Variants in SCEL observed in about 807,000 individuals in gnomAD.
SCEL encodes sciellin.
SCEL carries 113 observed loss-of-function variants against 117.6 expected under a neutral mutation model. That is an observed-to-expected ratio of 0.96 (90% CI 0.83 to 1.12). The LOEUF is 1.12. SCEL is among the 50% of genes most tolerant of loss of function. The pLI is 0.00. For synonymous variants in SCEL, 270 were observed against 256.2 expected (o/e 1.05, Z -0.51); for missense variants, 785 against 810.8 (o/e 0.97, Z 0.39).
intron 24 of SCEL, among the ~76,000 whole-genome samples, chr13:77,616,350 A>G (rs2089038610): frequency 6.6e-6 from 1 of 151,996 alleles, no homozygotes; most frequent in African/African-American, 2.4e-5. Flanking sequence ...TGTATTTTAT[A>G]ATAATATGTG....
chr13:77,637,383 CAT>C (rs2090349114), intron 30 of SCEL, among the ~76,000 whole-genome samples, 189 bp downstream of exon 30: 1 of 130,982 alleles, frequency 7.6e-6, no homozygotes, highest in African/African-American at 2.8e-5. Flanking sequence ...AACATATATA[CAT>C]ATATAAATAT....
chr13:77,590,990 A>G (rs984910899), intron 10 of SCEL, among the ~76,000 whole-genome samples: 1 of 152,128 alleles, frequency 6.6e-6, no homozygotes, highest in African/African-American at 2.4e-5. Context: ...TTATGAACAA[A>G]TATATTTCTT....
At position 77,596,688 on chromosome 13, in the gene SCEL, GGTGTGTGT is replaced by G. The variant is rs71102762; in HGVS notation, c.753-829_753-822del. On this transcript the variant is annotated intron_variant, in intron 12 of 32. Transcript: ENST00000349847. ...GAGGAAGGCAAGAGAGGTGGGGCAA[GGTGTGTGT>G]GTGTGTGTGTGTGTGTGTGTGTGTG... Among the ~76,000 whole-genome samples the G allele has an allele frequency of 5.2e-3, 759 of 145,464 alleles. 3 individuals carry two copies. The highest frequency in any genetic ancestry group is 0.012 in the African/African-American group (482 of 39,772).
chr13:77,578,480 G>A (rs541594332), intron 9 of SCEL, among the ~76,000 whole-genome samples: 60 of 152,244 alleles, frequency 3.9e-4, no homozygotes, highest in Middle Eastern at 3.4e-3. Context: ...GGCCCCAAAC[G>A]TTGGAGAATA....
At chr13:77,570,523 AC>A (rs2085534313) in intron 8 of SCEL, among the ~76,000 whole-genome samples, 1 of 152,194 alleles carries the variant, frequency 6.6e-6, no homozygotes, top group Non-Finnish European at 1.5e-5. Flanking sequence ...TCTATTCCTT[AC>A]ATTGAGCTGG....
chr13:77,639,836 C>T (rs1047034638), intron 30 of SCEL, among the ~76,000 whole-genome samples: 1 of 151,952 alleles, frequency 6.6e-6, no homozygotes, highest in African/African-American at 2.4e-5. Flanking sequence ...GTCAGGCCTG[C>T]ATGCTAATAT....
At position 77,618,053 on chromosome 13, in the gene SCEL, A is replaced by T. The variant is rs781188952; in HGVS notation, c.1621A>T (p.Thr541Ser). Reference protein sequence around the residue: ...IKVKPSALRNTNRDQNLENLI... With the variant: ...IKVKPSALRNSNRDQNLENLI... Reference sequence around the variant, plus strand: ...AGTGAAACCTTCAGCTCTTAGAAACACTAATCGGTAAATGACCTTGACTAT... The same window carrying T: ...AGTGAAACCTTCAGCTCTTAGAAACTCTAATCGGTAAATGACCTTGACTAT... The change falls in exon 27 of 33, where the codon ACT becomes TCT. Residue 541 changes from threonine to serine, a missense_variant. Thr to Ser is a moderately conservative substitution (Grantham distance 58). Transcript: ENST00000349847. 2.2e-5 allele frequency: 35 copies of T among 1,611,694 alleles called. No individual in the cohort carries two copies. Among genetic ancestry groups the T allele is most frequent in the Non-Finnish European group, 2.8e-5 (33 of 1,177,998 alleles).
At chr13:77,591,087 T>C (rs2086840448) in intron 10 of SCEL, among the ~76,000 whole-genome samples, 1 of 152,154 alleles carries the variant, frequency 6.6e-6, no homozygotes, top group African/African-American at 2.4e-5. Context: ...GTTATATCAT[T>C]ATCTGATAGA....
intron 12 of SCEL, among the ~76,000 whole-genome samples, chr13:77,594,128 TTAGAG>T (rs1479699311): frequency 2.6e-5 from 4 of 152,210 alleles, no homozygotes; most frequent in African/African-American, 9.6e-5. Context: ...TCACAGATTA[TTAGAG>T]TAGTTATTCA....
Position 77,556,719 on chromosome 13 carries a change from C to T in SCEL, c.161+6C>T, listed in dbSNP as rs1434072299. ...AAACGCCCTGAAGAAGAAAAGTAAG[C>T]TGGTGTGGAGCGTGGTGGGTGGACA... is the stretch of plus-strand genomic sequence containing the variant. On this transcript the variant is annotated splice_donor_region_variant and intron_variant, in intron 3 of 32. Coordinates refer to ENST00000349847, the MANE Select transcript of SCEL (RefSeq NM_144777.3). 1 of 1,594,278 alleles carries T rather than the reference C, an allele frequency of 6.3e-7. No homozygotes were observed. Among genetic ancestry groups the T allele is most frequent in the African/African-American group, 1.3e-5 (1 of 74,630 alleles).
At chr13:77,599,540 C>A in intron 14 of SCEL, 149 bp from the exon 15 acceptor site, 1 of 858,156 alleles carries the variant, frequency 1.2e-6, no homozygotes, top group Non-Finnish European at 1.9e-6. Context: ...TTAGTTCAGA[C>A]ATAATTACCC....
At chr13:77,562,716 T>C (rs917335870) in intron 4 of SCEL, among the ~76,000 whole-genome samples, 1 of 152,236 alleles carries the variant, frequency 6.6e-6, no homozygotes, top group Middle Eastern at 3.2e-3. Flanking sequence ...TATTTCTCAG[T>C]ACAACAGTGT....
At chr13:77,564,908 T>C (rs1379771365) in intron 5 of SCEL, among the ~76,000 whole-genome samples, 3 of 152,216 alleles carry the variant, frequency 2.0e-5, no homozygotes, top group East Asian at 3.8e-4. Flanking sequence ...TTTTAAAAAT[T>C]ATCATCCTTG....
chr13:77,607,366 A>G (rs2088288311), intron 19 of SCEL, among the ~76,000 whole-genome samples: 2 of 152,322 alleles, frequency 1.3e-5, no homozygotes, highest in South Asian at 4.1e-4. Context: ...GTTGCGCTTT[A>G]TATTACACTT....
At chr13:77,601,394 T>C (rs1303947495) in intron 15 of SCEL, among the ~76,000 whole-genome samples, 10 of 152,166 alleles carry the variant, frequency 6.6e-5, no homozygotes, top group South Asian at 4.1e-4. Context: ...CTTTCTCACA[T>C]TGAAATAACT....
chr13:77,576,468 C>T (rs2085948826), intron 9 of SCEL, among the ~76,000 whole-genome samples: 1 of 152,132 alleles, frequency 6.6e-6, no homozygotes, highest in Non-Finnish European at 1.5e-5. Context: ...TTGTTCTGTG[C>T]TCTGCCTTTC....
At position 77,615,917 on chromosome 13, in the gene SCEL, T is replaced by G. The variant is rs2088985186; in HGVS notation, c.1452-1682T>G. ...TAATTTAGTGAATGGCAATCAGCAT[T>G]TTTTCTTAAATTAATAGAATGAACT... On this transcript the variant is annotated intron_variant, in intron 24 of 32. Coordinates refer to ENST00000349847, the MANE Select transcript of SCEL (RefSeq NM_144777.3). Among the ~76,000 whole-genome samples, 3 of 151,982 alleles carry G rather than the reference T, an allele frequency of 2.0e-5. No homozygotes were observed. The South Asian group carries it at 6.2e-4, about 32-fold the overall frequency.
In SCEL at chr13:77,572,340, A is replaced by T. The variant is rs2085686651; in HGVS notation, c.545+151A>T. On this transcript the variant is annotated intron_variant, in intron 9 of 32. Coordinates refer to ENST00000349847, the MANE Select transcript of SCEL (RefSeq NM_144777.3). ...TACAGGAGAGTGTCCAGTGGTTGTA[A>T]GGTCAGGGCTACCAAGTACCCTGAT... 4.8e-6 allele frequency: 3 copies of T among 623,538 alleles called. No individual in the cohort carries two copies. The South Asian group carries it at 5.2e-5, about 11-fold the overall frequency. The allele number at this position is 623,538 out of a possible 1,614,324, so 38.6% of individuals were successfully genotyped here.
chr13:77,551,785 C>T (rs2084341852), intron 1 of SCEL, among the ~76,000 whole-genome samples: 1 of 151,708 alleles, frequency 6.6e-6, no homozygotes, highest in South Asian at 2.1e-4. Flanking sequence ...TGCTGGTGTG[C>T]TGCACCCATT....
Sources: allele counts gnomAD v4.1 joint callset (sites outside exome capture counted in the v4.1 genomes callset), GRCh38; gene constraint gnomAD v4.1.1; transcripts MANE v1.5; gene names NCBI Gene and HGNC (gene_info 2026-07-23, HGNC 2026-07-21).